Variants in PREX2 observed in about 807,000 individuals in gnomAD.
The protein encoded by PREX2 is phosphatidylinositol-3,4,5-trisphosphate dependent Rac exchange factor 2.
A neutral mutation model predicts 203.2 loss-of-function variants in PREX2; 107 were observed. The ratio of observed to expected loss-of-function variants is 0.53; its 90% CI spans 0.45 to 0.62. The LOEUF (loss-of-function observed/expected upper bound fraction) is 0.62. Ranked by LOEUF, PREX2 falls within the 20% of genes least tolerant of loss-of-function variation. The pLI is 0.00. For missense variants in PREX2, 1,777 were observed against 1,955.9 expected, an observed-to-expected ratio of 0.91 and a Z score of 1.72; for synonymous variants, 672 against 663.6, an observed-to-expected ratio of 1.01 and a Z score of -0.19.
intron 3 of PREX2, among the ~76,000 whole-genome samples, chr8:68,020,563 G>T (rs1188712390): frequency 6.6e-6 from 1 of 152,096 alleles, no homozygotes; most frequent in African/African-American, 2.4e-5. Flanking sequence ...TCTTTATGTA[G>T]TGAGCAGACT....
intron 1 of PREX2, among the ~76,000 whole-genome samples, chr8:67,973,064 C>G (rs1234410928): frequency 6.6e-6 from 1 of 152,126 alleles, no homozygotes; most frequent in Non-Finnish European, 1.5e-5. Flanking sequence ...TTCAGCCACT[C>G]TCAATGCCGT....
intron 37 of PREX2, among the ~76,000 whole-genome samples, chr8:68,196,739 T>C (rs1467560127): frequency 6.6e-6 from 1 of 151,090 alleles, no homozygotes; most frequent in African/African-American, 2.4e-5. Flanking sequence ...CCCCCAACTC[T>C]CTCTTCCTCC....
chr8:68,173,505 T>A (rs1232727269), intron 35 of PREX2, among the ~76,000 whole-genome samples: 1 of 152,188 alleles, frequency 6.6e-6, no homozygotes, highest in Non-Finnish European at 1.5e-5. Context: ...ATGCATGTAG[T>A]ATTATGTAAC....
intron 31 of PREX2, 113 bp downstream of exon 31, chr8:68,127,532 A>G: frequency 1.5e-6 from 1 of 666,470 alleles, no homozygotes; most frequent in Non-Finnish European, 2.6e-6. Context: ...TAGAAATATG[A>G]TCCCTACCTT....
intron 39 of PREX2, among the ~76,000 whole-genome samples, chr8:68,227,420 G>C (rs1813075533): frequency 6.6e-6 from 1 of 152,156 alleles, no homozygotes. Flanking sequence ...GCACAGGGAG[G>C]AGATGGGGAG....
chr8:68,191,388 C>T (rs1812290749), intron 35 of PREX2, among the ~76,000 whole-genome samples: 1 of 152,116 alleles, frequency 6.6e-6, no homozygotes, highest in South Asian at 2.1e-4. Flanking sequence ...CTGTGCTGTG[C>T]ACTGTTCTAC....
chr8:68,195,125 A>G (rs1412813631), intron 37 of PREX2, among the ~76,000 whole-genome samples: 2 of 152,118 alleles, frequency 1.3e-5, no homozygotes, highest in Non-Finnish European at 2.9e-5. Flanking sequence ...CTGCCATTTA[A>G]CCCTAGAGAC....
chr8:68,183,421 C>G (rs1475390191), intron 35 of PREX2, among the ~76,000 whole-genome samples: 3 of 152,024 alleles, frequency 2.0e-5, no homozygotes, highest in Non-Finnish European at 4.4e-5. Context: ...TATGACTTGC[C>G]TTTAATGTTT....
chr8:68,055,750 T>A, intron 9 of PREX2, 80 bp from the exon 10 acceptor site: 1 of 1,329,792 alleles, frequency 7.5e-7, no homozygotes, highest in Non-Finnish European at 1.1e-6. Context: ...CTGCAACAAA[T>A]GCTTGCTTAA....
chr8:68,064,431 C>T (rs927587643), intron 11 of PREX2, among the ~76,000 whole-genome samples: 1 of 152,006 alleles, frequency 6.6e-6, no homozygotes. Context: ...GCCAGTGGTG[C>T]GATCATGGCT....
At chr8:68,076,380 C>T (rs1035501475) in intron 14 of PREX2, among the ~76,000 whole-genome samples, 5 of 152,004 alleles carry the variant, frequency 3.3e-5, no homozygotes, top group African/African-American at 7.3e-5. Flanking sequence ...TCGCTTGAAC[C>T]AGGGAGGCGG....
intron 7 of PREX2, 57 bp downstream of exon 7, chr8:68,038,349 T>G: frequency 1.3e-6 from 2 of 1,574,568 alleles, no homozygotes; most frequent in South Asian, 2.3e-5. Flanking sequence ...CCTTTCCCTC[T>G]GTGCTTCCCA....
chr8:68,037,971 C>A (rs1030853634), intron 6 of PREX2, among the ~76,000 whole-genome samples, 188 bp from the exon 7 acceptor site: 2 of 152,162 alleles, frequency 1.3e-5, no homozygotes, highest in African/African-American at 4.8e-5. Flanking sequence ...TCTGCTCAGA[C>A]TGATCGGGGG....
intron 33 of PREX2, among the ~76,000 whole-genome samples, chr8:68,145,750 G>A (rs1007904985): frequency 2.6e-5 from 4 of 151,912 alleles, no homozygotes; most frequent in African/African-American, 7.3e-5. Context: ...ATATATTTCC[G>A]ATCTGGTGCT....
chr8:68,073,509 A>G (rs1809259992), intron 14 of PREX2, among the ~76,000 whole-genome samples: 1 of 152,158 alleles, frequency 6.6e-6, no homozygotes, highest in East Asian at 1.9e-4. Flanking sequence ...CTGTACACAC[A>G]TATTTTGATA....
chr8:68,188,751 G>C (rs1344627693), intron 35 of PREX2, among the ~76,000 whole-genome samples: 2 of 152,060 alleles, frequency 1.3e-5, no homozygotes, highest in African/African-American at 4.8e-5. Flanking sequence ...ACAGTATGGG[G>C]GAAACAACCC....
chr8:68,004,189 T>G (rs533619828), intron 1 of PREX2, among the ~76,000 whole-genome samples: 1 of 152,312 alleles, frequency 6.6e-6, no homozygotes, highest in South Asian at 2.1e-4. Context: ...CTGTTCCACC[T>G]TGGAGAAGCT....
intron 35 of PREX2, among the ~76,000 whole-genome samples, chr8:68,182,918 C>T (rs1323322811): frequency 6.6e-6 from 1 of 150,988 alleles, no homozygotes; most frequent in African/African-American, 2.4e-5. Flanking sequence ...TAGAGTTTTG[C>T]CAAGCAGAAG....
intron 11 of PREX2, among the ~76,000 whole-genome samples, chr8:68,065,176 G>T (rs1298304070): frequency 6.6e-6 from 1 of 152,194 alleles, no homozygotes; most frequent in Non-Finnish European, 1.5e-5. Context: ...AGAAGCATTT[G>T]CCTTACAGCT....
Sources: gnomAD v4.1 joint callset for allele counts (sites outside exome capture counted in the v4.1 genomes callset) on GRCh38, gnomAD v4.1.1 for gene constraint, MANE v1.5 for transcripts, NCBI Gene and HGNC (gene_info 2026-07-23, HGNC 2026-07-21) for gene names.